LAMP1: variants seen among roughly 807,000 people sequenced by gnomAD.
LAMP1 encodes lysosome-associated membrane glycoprotein 1.
Under a neutral mutation model 37.5 loss-of-function variants are expected in LAMP1, and 7 were observed. The ratio of observed to expected loss-of-function variants is 0.19; its 90% CI spans 0.11 to 0.35. The LOEUF (loss-of-function observed/expected upper bound fraction) is 0.35. LAMP1 is among the 10% of genes least tolerant of loss of function. The probability of loss-of-function intolerance (pLI) is 1.00; values close to 1 mark genes in which losing one functional copy is unlikely to be tolerated. For missense variants in LAMP1, 537 were observed against 552.8 expected (o/e 0.97, Z 0.29); for synonymous variants, 236 against 229.1 (o/e 1.03, Z -0.27).
chr13:113,316,703 G>A (rs544012027), intron 4 of LAMP1, among the ~76,000 whole-genome samples: 1 of 152,170 alleles, frequency 6.6e-6, no homozygotes, highest in Non-Finnish European at 1.5e-5. Flanking sequence ...TTACAGGCGT[G>A]AGCCACCGTG....
intron 4 of LAMP1, among the ~76,000 whole-genome samples, chr13:113,313,899 C>G (rs374572212): frequency 2.3e-5 from 1 of 43,418 alleles, no homozygotes; most frequent in Non-Finnish European, 3.7e-5. Flanking sequence ...AGGGAACCAG[C>G]GTGGAGATGC....
Position 113,321,744 on chromosome 13 carries a change from G to A in LAMP1, c.1114+17G>A, listed in dbSNP as rs1337906349. 1 of 1,612,296 alleles carries A rather than the reference G, an allele frequency of 6.2e-7. No homozygotes were observed. Among genetic ancestry groups the A allele is most frequent in the Non-Finnish European group, 8.5e-7 (1 of 1,179,668 alleles). On this transcript the variant is annotated intron_variant, in intron 8 of 8. Coordinates refer to ENST00000332556, the MANE Select transcript of LAMP1 (RefSeq NM_005561.4). This position sits in a 1 kb window ranked among gnomAD's most constrained non-coding sequence, Gnocchi z 5.6. ...TTGGCTCTGGTGAGTGTCACCGAGGGCAGCTGTCGCGGGGTGTGGAGGACG... is the reference window on the plus strand; with the variant it reads ...TTGGCTCTGGTGAGTGTCACCGAGGACAGCTGTCGCGGGGTGTGGAGGACG...
intron 4 of LAMP1, among the ~76,000 whole-genome samples, chr13:113,315,386 T>TC (rs2042657522): frequency 7.3e-6 from 1 of 136,132 alleles, no homozygotes; most frequent in African/African-American, 2.7e-5. Flanking sequence ...TCTTGTCTTT[T>TC]TTTTTTTTTT....
intron 1 of LAMP1, among the ~76,000 whole-genome samples, chr13:113,300,602 CGA>C (rs533624505): frequency 4.7e-4 from 71 of 151,784 alleles, no homozygotes; most frequent in African/African-American, 1.6e-3. Context: ...GTCAAGAGAT[CGA>C]GACCATCCTG....
Position 113,309,773 on chromosome 13 carries a change from C to T in LAMP1, c.314C>T (p.Thr105Met), listed in dbSNP as rs377651869. Residue 105 changes from threonine (T) to methionine (M), a missense_variant, in exon 3 of 9, where the codon ACG becomes ATG. Coordinates refer to ENST00000332556, the MANE Select transcript of LAMP1 (RefSeq NM_005561.4). ...GGACATACACTCACTCTCAATTTCA[C>T]GAGAAATGCAACACGTTACAGCGTC... Reference protein sequence around the residue: ...GRGHTLTLNFTRNATRYSVQL... With the variant: ...GRGHTLTLNFMRNATRYSVQL... 8.9e-5 allele frequency: 143 copies of T among 1,614,016 alleles called. No individual in the cohort carries two copies. Among genetic ancestry groups the T allele is most frequent in the African/African-American group, 8.7e-4 (65 of 74,926 alleles).
intron 4 of LAMP1, among the ~76,000 whole-genome samples, chr13:113,318,334 T>TG (rs923006002): frequency 5.9e-5 from 9 of 152,158 alleles, no homozygotes; most frequent in African/African-American, 1.9e-4. Context: ...AGGTGACTGA[T>TG]GGAGTTATGA....
Position 113,297,267 on chromosome 13 carries a change from C to T in LAMP1, c.-168C>T, listed in dbSNP as rs1330673288. The T allele has an allele frequency of 5.9e-6, 1 of 170,932 alleles. No homozygotes were observed. The highest frequency in any genetic ancestry group is 1.2e-5 in the Non-Finnish European group (1 of 81,046). 10.6% of individuals were successfully genotyped at this position (170,932 alleles called of 1,614,324 possible). A position where few individuals can be genotyped will look rare whatever the true frequency, so the allele number is the denominator to read the frequency against. On this transcript the variant is annotated 5_prime_UTR_variant, in exon 1 of 9. Coordinates refer to ENST00000332556, the MANE Select transcript of LAMP1 (RefSeq NM_005561.4). The surrounding 1 kb of genome is among the most constrained non-coding windows in gnomAD (Gnocchi z 4.4). The stretch of plus-strand genomic sequence containing the variant: ...TGACAAGCGCTGCCGGCCGCGGTGT[C>T]TTCTTCGTGCCGGCGTCGCAGTGGC...
chr13:113,299,743 A>G (rs1177740373), intron 1 of LAMP1, among the ~76,000 whole-genome samples: 4 of 150,758 alleles, frequency 2.7e-5, no homozygotes, highest in African/African-American at 7.3e-5. Flanking sequence ...TAATTTTTGT[A>G]GTTTTAGTAG....
intron 4 of LAMP1, among the ~76,000 whole-genome samples, chr13:113,314,246 C>T (rs551540661): frequency 2.4e-5 from 3 of 127,586 alleles, no homozygotes; most frequent in Non-Finnish European, 4.7e-5. Flanking sequence ...GCGGAGATGT[C>T]GGTGTGCCTG....
At chr13:113,310,688 T>C (rs763548510) in intron 3 of LAMP1, 21 bp from the exon 4 acceptor site, 14 of 229,104 alleles carry the variant, frequency 6.1e-5, no homozygotes, top group South Asian at 2.3e-4. Context: ...GCAATTGTGA[T>C]TTTTTTTTTT....
intron 8 of LAMP1, 70 bp from the exon 9 acceptor site, chr13:113,322,212 G>A: frequency 6.6e-7 from 1 of 1,518,676 alleles, no homozygotes; most frequent in Non-Finnish European, 8.9e-7. Flanking sequence ...TGGGGGAGTG[G>A]TGGGGAGAGA....
At chr13:113,317,787 A>G (rs1182070061) in intron 4 of LAMP1, among the ~76,000 whole-genome samples, 4 of 149,316 alleles carry the variant, frequency 2.7e-5, no homozygotes, top group African/African-American at 9.9e-5. Flanking sequence ...CCCAGGCTCC[A>G]GTGACCCTCC....
intron 5 of LAMP1, 143 bp downstream of exon 5, chr13:113,319,799 G>C: frequency 1.3e-6 from 1 of 750,668 alleles, no homozygotes; most frequent in Non-Finnish European, 2.1e-6. Context: ...TGACCCTAGA[G>C]GACAAGAGCT....
chr13:113,305,471 A>G lies in LAMP1; in HGVS notation c.62-1014A>G, dbSNP rs1354165917. The G allele has an allele frequency of 3.9e-5, 6 of 152,350 alleles. No individual in the cohort carries two copies. The East Asian group carries it at 5.8e-4, about 15-fold the overall frequency. 9.4% of individuals were successfully genotyped at this position (152,350 alleles called of 1,614,324 possible). On this transcript the variant is annotated intron_variant, in intron 1 of 8. Coordinates refer to ENST00000332556, the MANE Select transcript of LAMP1 (RefSeq NM_005561.4). ...TGTGTAATAACGTGCAATTTGTACA[A>G]TTACCAGTGTCTCTACCGTAGTGAT...
At chr13:113,300,825 GAA>G (rs943504529) in intron 1 of LAMP1, among the ~76,000 whole-genome samples, 1 of 152,004 alleles carries the variant, frequency 6.6e-6, no homozygotes, top group African/African-American at 2.4e-5. Flanking sequence ...AAAAAACAAA[GAA>G]AAAAATTTTT....
intron 1 of LAMP1, among the ~76,000 whole-genome samples, chr13:113,301,621 TC>T: frequency 8.6e-6 from 1 of 116,240 alleles, no homozygotes; most frequent in Non-Finnish European, 1.6e-5. Flanking sequence ...AGACTCTGTT[TC>T]CATTTAAAAA....
Position 113,309,713 on chromosome 13 carries a change from C to A in LAMP1, c.254C>A (p.Thr85Asn), listed in dbSNP as rs1257492649. The change falls in exon 3 of 9, where the codon ACT (threonine) becomes AAT (asparagine). Residue 85 changes from threonine (T) to asparagine (N), a missense_variant. By Grantham distance (65) the Thr-to-Asn change is moderately conservative. Transcript: ENST00000332556. Reference sequence around the variant, plus strand: ...CGCAGCTCCTGTGGAAAAGAGAACACTTCTGACCCCAGTCTCGTGATTGCT... The same window carrying A: ...CGCAGCTCCTGTGGAAAAGAGAACAATTCTGACCCCAGTCTCGTGATTGCT... ...LNRSSCGKENTSDPSLVIAFG... is the reference protein window; with the variant it reads ...LNRSSCGKENNSDPSLVIAFG... 4 of 1,614,242 alleles carry A rather than the reference C, an allele frequency of 2.5e-6. No individual in the cohort carries two copies. Among genetic ancestry groups the A allele is most frequent in the Non-Finnish European group, 3.4e-6 (4 of 1,180,044 alleles).
intron 2 of LAMP1, among the ~76,000 whole-genome samples, chr13:113,308,600 C>T (rs2042613106): frequency 6.6e-6 from 1 of 152,168 alleles, no homozygotes; most frequent in Non-Finnish European, 1.5e-5. Context: ...GCTGGGATTA[C>T]AGGCGTGGCC....
chr13:113,302,890 GC>G (rs771634625), intron 1 of LAMP1, among the ~76,000 whole-genome samples: 2 of 152,210 alleles, frequency 1.3e-5, no homozygotes, highest in Non-Finnish European at 2.9e-5. Context: ...ACCTCTCTAT[GC>G]CTTAATCTCC....
Sources: gnomAD v4.1 joint callset for allele counts (sites outside exome capture counted in the v4.1 genomes callset) on GRCh38, gnomAD v4.1.1 for gene constraint, Gnocchi (gnomAD v3.1) non-coding constraint, MANE v1.5 for transcripts, NCBI Gene and HGNC (gene_info 2026-07-23, HGNC 2026-07-21) for gene names.